The following CCBE1 variants were observed in gnomAD, a reference collection of about 807,000 sequenced individuals.
CCBE1 encodes the protein collagen and calcium binding EGF domains 1.
A neutral mutation model predicts 50.0 loss-of-function variants in CCBE1; 37 were observed. The ratio of observed to expected loss-of-function variants is 0.74; its 90% CI spans 0.57 to 0.97. The LOEUF (loss-of-function observed/expected upper bound fraction) is 0.97, where lower values mean the gene tolerates loss of function less well. Ranked by LOEUF, CCBE1 falls within the 50% of genes least tolerant of loss-of-function variation. CCBE1 has a pLI of 0.00. For missense variants in CCBE1, 538 were observed against 523.8 expected (o/e 1.03, Z -0.26); for synonymous variants, 234 against 203.7 (o/e 1.15, Z -1.27).
intron 2 of CCBE1, among the ~76,000 whole-genome samples, chr18:59,615,899 A>G (rs1366922): frequency 0.09 from 13,670 of 152,244 alleles, 631 homozygotes; most frequent in East Asian, 0.13. Context: ...CAAAGAGGAC[A>G]CTTACCAAGG....
At chr18:59,440,932 A>G (rs1910393224) in intron 7 of CCBE1, among the ~76,000 whole-genome samples, 1 of 152,218 alleles carries the variant, frequency 6.6e-6, no homozygotes, top group South Asian at 2.1e-4. Context: ...AGCTCAGAGT[A>G]TAAACACTGA....
At chr18:59,502,125 A>C (rs1460316530) in intron 2 of CCBE1, among the ~76,000 whole-genome samples, 1 of 152,202 alleles carries the variant, frequency 6.6e-6, no homozygotes, top group East Asian at 1.9e-4. Flanking sequence ...TTTAAAAGGC[A>C]GCCAAGATTG....
At chr18:59,695,082 C>A (rs1046825593) in intron 2 of CCBE1, among the ~76,000 whole-genome samples, 4 of 152,164 alleles carry the variant, frequency 2.6e-5, no homozygotes, top group African/African-American at 9.7e-5. Flanking sequence ...AATCAGGCAC[C>A]AAATGGTTTC....
At chr18:59,632,916 A>G (rs2053868302) in intron 2 of CCBE1, among the ~76,000 whole-genome samples, 1 of 152,138 alleles carries the variant, frequency 6.6e-6, no homozygotes, top group African/African-American at 2.4e-5. Context: ...GCGAGGAACA[A>G]TCTTCTAAAG....
intron 2 of CCBE1, among the ~76,000 whole-genome samples, chr18:59,620,607 T>C (rs1225190929): frequency 6.6e-6 from 1 of 152,318 alleles, no homozygotes; most frequent in Middle Eastern, 3.4e-3. Context: ...TGGGAGGTAA[T>C]TGAATCACGG....
intron 3 of CCBE1, among the ~76,000 whole-genome samples, chr18:59,477,462 C>T (rs762547619): frequency 3.3e-5 from 5 of 151,942 alleles, no homozygotes; most frequent in Non-Finnish European, 7.4e-5. Flanking sequence ...GCTATGACCA[C>T]GGGACAAGTT....
intron 2 of CCBE1, among the ~76,000 whole-genome samples, chr18:59,607,330 A>G (rs1455387008): frequency 6.6e-6 from 1 of 152,208 alleles, no homozygotes; most frequent in Non-Finnish European, 1.5e-5. Context: ...GAATCTGATA[A>G]TCTGAACCAG....
chr18:59,483,092 G>A (rs879761931), intron 2 of CCBE1, among the ~76,000 whole-genome samples: 41 of 152,124 alleles, frequency 2.7e-4, no homozygotes, highest in African/African-American at 9.9e-4. Context: ...TCATGGTGGA[G>A]AAAGGAGCAC....
chr18:59,671,854 G>A (rs1008115292), intron 2 of CCBE1, among the ~76,000 whole-genome samples: 11 of 152,000 alleles, frequency 7.2e-5, no homozygotes, highest in African/African-American at 1.7e-4. Flanking sequence ...CTCCTAGAGA[G>A]CAGATTTAAT....
chr18:59,637,705 T>C (rs1272688663), intron 2 of CCBE1, among the ~76,000 whole-genome samples: 2 of 152,186 alleles, frequency 1.3e-5, no homozygotes, highest in Admixed American at 6.5e-5. Context: ...ATTTCATGCC[T>C]ATAAAATTTT....
chr18:59,618,778 T>C (rs1219940403), intron 2 of CCBE1, among the ~76,000 whole-genome samples: 1 of 152,158 alleles, frequency 6.6e-6, no homozygotes, highest in Non-Finnish European at 1.5e-5. Context: ...AAAGTATCTG[T>C]ATCTCTACTT....
chr18:59,486,183 T>C (rs545469499), intron 2 of CCBE1, among the ~76,000 whole-genome samples: 2 of 152,278 alleles, frequency 1.3e-5, no homozygotes, highest in South Asian at 4.1e-4. Flanking sequence ...TTGACAGTAT[T>C]ACAGATAATA....
intron 10 of CCBE1, among the ~76,000 whole-genome samples, chr18:59,437,559 C>T (rs1438670484): frequency 1.3e-5 from 2 of 152,240 alleles, no homozygotes; most frequent in African/African-American, 4.8e-5. Flanking sequence ...GATACTTCTT[C>T]AGAAGCAGTG....
At chr18:59,448,322 G>C (rs930381529) in intron 6 of CCBE1, among the ~76,000 whole-genome samples, 17 of 152,096 alleles carry the variant, frequency 1.1e-4, no homozygotes, top group Non-Finnish European at 2.4e-4. Context: ...CTAGTTAGTA[G>C]GTGAGCTTAA....
At position 59,669,953 on chromosome 18, in the gene CCBE1, C is replaced by T. The variant is rs142786754; in HGVS notation, c.212+26676G>A. Among the ~76,000 whole-genome samples the T allele has an allele frequency of 9.4e-4, 143 of 152,324 alleles. 1 individual carries two copies. In the South Asian group the frequency reaches 0.02, roughly 21 times the overall value. On this transcript the variant is annotated intron_variant, in intron 2 of 10. Coordinates refer to ENST00000439986, the MANE Select transcript of CCBE1 (RefSeq NM_133459.4). ...ATTGCATCCATGATGATTACTGATG[C>T]TACATTTGTCTGAATATTTGGCTGC... is the stretch of plus-strand genomic sequence containing the variant.
chr18:59,686,516 G>T (rs1354403095), intron 2 of CCBE1, among the ~76,000 whole-genome samples: 9 of 152,210 alleles, frequency 5.9e-5, no homozygotes, highest in Non-Finnish European at 1.2e-4. Context: ...AGCTAGAACA[G>T]CTTCTGACAG....
At chr18:59,561,458 C>T (rs748738526) in intron 2 of CCBE1, among the ~76,000 whole-genome samples, 4 of 152,172 alleles carry the variant, frequency 2.6e-5, no homozygotes, top group Non-Finnish European at 5.9e-5. Context: ...GGCAGACATC[C>T]GGCCACAGTG....
chr18:59,554,396 T>G (rs905434575), intron 2 of CCBE1, among the ~76,000 whole-genome samples: 5 of 152,240 alleles, frequency 3.3e-5, no homozygotes, highest in African/African-American at 1.2e-4. Flanking sequence ...TTTAAGACCA[T>G]GTGCATGCAT....
At chr18:59,499,472 A>G (rs563014393) in intron 2 of CCBE1, among the ~76,000 whole-genome samples, 2 of 152,338 alleles carry the variant, frequency 1.3e-5, no homozygotes, top group Admixed American at 6.5e-5. Flanking sequence ...ACAGTTCCAC[A>G]TGGCTCGGGA....
Sources: gnomAD v4.1 joint callset for allele counts (sites outside exome capture counted in the v4.1 genomes callset) on GRCh38, gnomAD v4.1.1 for gene constraint, MANE v1.5 for transcripts, NCBI Gene and HGNC (gene_info 2026-07-23, HGNC 2026-07-21) for gene names.